CENPB: variants seen among roughly 807,000 people sequenced by gnomAD.
The protein encoded by CENPB is centromere protein B.
In CENPB, 19 loss-of-function variants were observed where a neutral mutation model predicts 41.9. That is an observed-to-expected ratio of 0.45 (90% CI 0.32 to 0.67). The LOEUF is 0.67. CENPB is among the 30% of genes least tolerant of loss of function. The probability of loss-of-function intolerance (pLI) is 0.04; values close to 1 mark genes in which losing one functional copy is unlikely to be tolerated. For missense variants in CENPB, 614 were observed against 816.2 expected (o/e 0.75, Z 3.02); for synonymous variants, 399 against 354.4 (o/e 1.13, Z -1.41).
Position 3,785,714 on chromosome 20 carries a change from AGGCCGGCTTGGCCTGCGCGGGGCTT to A in CENPB, c.745_769del (p.Lys249CysfsTer22). 1 of 1,607,846 alleles carries A rather than the reference AGGCCGGCTTGGCCTGCGCGGGGCTT, an allele frequency of 6.2e-7. No homozygotes were observed. Among genetic ancestry groups the A allele is most frequent in the Non-Finnish European group, 8.5e-7 (1 of 1,177,232 alleles). ...GGAGTTGGCGGTGTAGTCGCAGGGC[AGGCCGGCTTGGCCTGCGCGGGGCTT>A]GGCCGACTTGCCGGCCACCAGCGGG... On this transcript the variant is annotated frameshift_variant, in exon 1 of 1. Coordinates refer to ENST00000379751, the MANE Select transcript of CENPB (RefSeq NM_001810.6). LOFTEE classifies it high-confidence loss of function.
At position 3,784,325 on chromosome 20, in the gene CENPB, G is replaced by A. The variant is rs965944041; in HGVS notation, c.*359C>T. On this transcript the variant is annotated 3_prime_UTR_variant, in exon 1 of 1. Transcript: ENST00000379751. This position sits in a 1 kb window ranked among gnomAD's most constrained non-coding sequence, Gnocchi z 5.2. Reference sequence around the variant, plus strand: ...GACCTGACGTGGATGGCAGAGGGGAGAGGCACTCTCCGGCCGGGAACCTCC... The same window carrying A: ...GACCTGACGTGGATGGCAGAGGGGAAAGGCACTCTCCGGCCGGGAACCTCC... 1 of 245,836 alleles carries A rather than the reference G, an allele frequency of 4.1e-6. No homozygotes were observed. The highest frequency in any genetic ancestry group is 8.0e-6 in the Non-Finnish European group (1 of 124,510). The allele number at this position is 245,836 out of a possible 1,614,324, so 15.2% of individuals were successfully genotyped here.
At position 3,784,252 on chromosome 20, in the gene CENPB, C is replaced by T. The variant is rs886464487; in HGVS notation, c.*432G>A. The T allele has an allele frequency of 1.1e-5, 2 of 189,564 alleles. No individual in the cohort carries two copies. Among genetic ancestry groups the T allele is most frequent in the Admixed American group, 1.1e-4 (2 of 18,750 alleles). The allele number at this position is 189,564 out of a possible 1,614,324, so 11.7% of individuals were successfully genotyped here. Reference sequence around the variant, plus strand: ...GCCTTGCAGGGGGCCTAGGCTGGACCTTCTTCTGGAGCCCTTCCCAGAATG... The same window carrying T: ...GCCTTGCAGGGGGCCTAGGCTGGACTTTCTTCTGGAGCCCTTCCCAGAATG... On this transcript the variant is annotated 3_prime_UTR_variant, in exon 1 of 1. Coordinates refer to ENST00000379751, the MANE Select transcript of CENPB (RefSeq NM_001810.6). The surrounding 1 kb of genome is among the most constrained non-coding windows in gnomAD (Gnocchi z 5.2).
In CENPB at chr20:3,785,717, C is replaced by A; in HGVS notation, c.767G>T (p.Gly256Val). 1 of 1,606,252 alleles carries A rather than the reference C, an allele frequency of 6.2e-7. No individual in the cohort carries two copies. The highest frequency in any genetic ancestry group is 8.5e-7 in the Non-Finnish European group (1 of 1,176,508). Residue 256 changes from glycine (G) to valine (V), a missense_variant, in exon 1 of 1, where the codon GGC becomes GTC. Physicochemically the swap from Gly to Val is moderately radical, Grantham distance 109 (BLOSUM62 -3). Transcript: ENST00000379751. Reference sequence around the variant, plus strand: ...GTTGGCGGTGTAGTCGCAGGGCAGGCCGGCTTGGCCTGCGCGGGGCTTGGC... The same window carrying A: ...GTTGGCGGTGTAGTCGCAGGGCAGGACGGCTTGGCCTGCGCGGGGCTTGGC... ...KSAKPRAGQA[G>V]LPCDYTANSK...
In CENPB at chr20:3,786,043, G is replaced by A. The variant is rs759414517; in HGVS notation, c.441C>T (p.Ala147=). 7 of 1,481,474 alleles carry A rather than the reference G, an allele frequency of 4.7e-6. No individual in the cohort carries two copies. Among genetic ancestry groups the A allele is most frequent in the Non-Finnish European group, 6.2e-6 (7 of 1,130,320 alleles). The allele number at this position is 1,481,474 out of a possible 1,614,324, so 91.8% of individuals were successfully genotyped here. A position where few individuals can be genotyped will look rare whatever the true frequency, so the allele number is the denominator to read the frequency against. The part of the protein sequence containing the change: ...GVARARARNA[A]PRTPAAPASP... ...TGGCAGGCGCCGCCGGGGTGCGGGGGGCAGCGTTTCGCGCGCGGGCGCGGG... is the reference window on the plus strand; with the variant it reads ...TGGCAGGCGCCGCCGGGGTGCGGGGAGCAGCGTTTCGCGCGCGGGCGCGGG... Residue 147 remains alanine, a synonymous_variant, in exon 1 of 1, where the codon GCC becomes GCT. Coordinates refer to ENST00000379751, the MANE Select transcript of CENPB (RefSeq NM_001810.6).
rs2088819556 is a variant in CENPB, at chr20:3,785,946, G to A, written c.538C>T (p.Pro180Ser). 6.3e-7 allele frequency: 1 copy of A among 1,593,596 alleles called. No homozygotes were observed. Among genetic ancestry groups the A allele is most frequent in the Non-Finnish European group, 8.5e-7 (1 of 1,174,660 alleles). The change falls in exon 1 of 1, where the codon CCG (proline) becomes TCG (serine). Residue 180 changes from proline (P) to serine (S), a missense_variant. By Grantham distance (74) the Pro-to-Ser change is moderately conservative (BLOSUM62 -1). Transcript: ENST00000379751. The part of the protein sequence containing the change: ...TGWRAREEQP[P>S]SVAEGYASQD... ...GAGGCGTAGCCCTCGGCCACCGACG[G>A]CGGCTGCTCCTCCCGAGCGCGCCAA... is the stretch of plus-strand genomic sequence containing the variant.
Position 3,785,550 on chromosome 20 carries a change from C to T in CENPB, c.934G>A (p.Val312Met). The T allele has an allele frequency of 1.9e-6, 3 of 1,598,782 alleles. No homozygotes were observed. Among genetic ancestry groups the T allele is most frequent in the South Asian group, 1.1e-5 (1 of 88,968 alleles). The change falls in exon 1 of 1, where the codon GTG (valine) becomes ATG (methionine). Residue 312 changes from valine (V) to methionine (M), a missense_variant. Physicochemically the swap from Val to Met is conservative, Grantham distance 21 (BLOSUM62 1). This residue lies in a region of CENPB where 537 missense variants were observed against 629.4 expected (regional missense o/e 0.85). Transcript: ENST00000379751. ...CCGGGAGGGAAGAAGGCCAGCTGCACATGCCGCAGGCCCGAGGTGTCCAAG... is the reference window on the plus strand; with the variant it reads ...CCGGGAGGGAAGAAGGCCAGCTGCATATGCCGCAGGCCCGAGGTGTCCAAG... The part of the protein sequence containing the change: ...QSLDTSGLRH[V>M]QLAFFPPGTV...
Position 3,785,341 on chromosome 20 carries a change from G to T in CENPB, c.1143C>A (p.Ala381=). The T allele has an allele frequency of 1.2e-6, 2 of 1,602,740 alleles. No individual in the cohort carries two copies. The highest frequency in any genetic ancestry group is 1.7e-6 in the Non-Finnish European group (2 of 1,175,870). ...CAAAGCCAGCCTCACGAAAGCAGGC[G>T]GCTATGTCCGAAGGCTCCACTGCCT... ...AWQAVEPSDI[A]ACFREAGFGG... The change falls in exon 1 of 1, where the codon GCC becomes GCA. Residue 381 remains alanine (A), a synonymous_variant. Coordinates refer to ENST00000379751, the MANE Select transcript of CENPB (RefSeq NM_001810.6).
Position 3,785,104 on chromosome 20 carries a change from C to G in CENPB, c.1380G>C (p.Glu460Asp). The G allele has an allele frequency of 6.2e-7, 1 of 1,610,306 alleles. No homozygotes were observed. Among genetic ancestry groups the G allele is most frequent in the Non-Finnish European group, 8.5e-7 (1 of 1,178,052 alleles). ...EEGDVDSDEE[E>D]EEDEESSSEG... is the part of the protein sequence containing the mutation. Reference sequence around the variant, plus strand: ...CCGAGGAGCTCTCCTCATCTTCCTCCTCTTCTTCATCACTATCAACATCAC... The same window carrying G: ...CCGAGGAGCTCTCCTCATCTTCCTCGTCTTCTTCATCACTATCAACATCAC... Residue 460 changes from glutamate to aspartate, a missense_variant, in exon 1 of 1, where the codon GAG (glutamate) becomes GAC (aspartate). Around this residue, in one of 2 missense-constraint regions of CENPB, gnomAD observed 537 missense variants for 629.4 expected, o/e 0.85. Transcript: ENST00000379751.
chr20:3,785,577 A>T lies in CENPB; in HGVS notation c.907T>A (p.Ser303Thr). 4.4e-6 allele frequency: 7 copies of T among 1,601,556 alleles called. No individual in the cohort carries two copies. Among genetic ancestry groups the T allele is most frequent in the Non-Finnish European group, 6.0e-6 (7 of 1,174,540 alleles). Residue 303 changes from serine (S) to threonine (T), a missense_variant, in exon 1 of 1, where the codon TCC (serine) becomes ACC (threonine). By Grantham distance (58) the Ser-to-Thr change is moderately conservative. Around this residue, in one of 2 missense-constraint regions of CENPB, gnomAD observed 537 missense variants for 629.4 expected, o/e 0.85. Transcript: ENST00000379751. ...TGCCGCAGGCCCGAGGTGTCCAAGG[A>T]CTGGGCAGCCAAGCGGCCGGCCAAC... Reference protein sequence around the residue: ...LLLAGRLAAQSLDTSGLRHVQ... With the variant: ...LLLAGRLAAQTLDTSGLRHVQ...
In CENPB at chr20:3,786,055, C is replaced by A. The variant is rs775379496; in HGVS notation, c.429G>T (p.Ala143=). ...CCGGGGTGCGGGGGGCAGCGTTTCG[C>A]GCGCGGGCGCGGGCCACGCCGCTGC... is the stretch of plus-strand genomic sequence containing the variant. ...VSCSGVARAR[A]RNAAPRTPAA... Residue 143 remains alanine (A), a synonymous_variant, in exon 1 of 1, where the codon GCG becomes GCT. Coordinates refer to ENST00000379751, the MANE Select transcript of CENPB (RefSeq NM_001810.6). 6.6e-7 allele frequency: 1 copy of A among 1,505,892 alleles called. No individual in the cohort carries two copies. The highest frequency in any genetic ancestry group is 8.8e-7 in the Non-Finnish European group (1 of 1,142,384). The allele number at this position is 1,505,892 out of a possible 1,614,324, so 93.3% of individuals were successfully genotyped here.
rs1456930774 is a variant in CENPB, at chr20:3,784,944, T to C, written c.1540A>G (p.Ser514Gly). 6.2e-7 allele frequency: 1 copy of C among 1,613,824 alleles called. No homozygotes were observed. Among genetic ancestry groups the C allele is most frequent in the Non-Finnish European group, 8.5e-7 (1 of 1,179,970 alleles). ...TCTTCCTCATCGTCCTCTTCCTCAC[T>C]GTCTGAATCAGAGTCCTCCCCACCT... ...LEGGEDSDSD[S>G]EEEDDEEEDD... Residue 514 changes from serine (S) to glycine (G), a missense_variant, in exon 1 of 1, where the codon AGT becomes GGT. By Grantham distance (56) the Ser-to-Gly change is moderately conservative. Transcript: ENST00000379751. This position sits in a 1 kb window ranked among gnomAD's most constrained non-coding sequence, Gnocchi z 5.2.
rs1276441146 is a variant in CENPB, at chr20:3,785,256, C to T, written c.1228G>A (p.Glu410Lys). The change falls in exon 1 of 1, where the codon GAG (glutamate) becomes AAG (lysine). Residue 410 changes from glutamate to lysine, a missense_variant. Physicochemically the swap from Glu to Lys is moderately conservative, Grantham distance 56 (BLOSUM62 1). Around this residue, in one of 2 missense-constraint regions of CENPB, gnomAD observed 537 missense variants for 629.4 expected, o/e 0.85. Transcript: ENST00000379751. Reference protein sequence around the residue: ...SLKSEGEEEEEEEEEEEEEEG... With the variant: ...SLKSEGEEEEKEEEEEEEEEG... ...TCCTCCTCCTCTTCTTCCTCCTCCTCCTCCTCTTCCTCTCCCTCACTCTTG... is the reference window on the plus strand; with the variant it reads ...TCCTCCTCCTCTTCTTCCTCCTCCTTCTCCTCTTCCTCTCCCTCACTCTTG... 7 of 1,573,160 alleles carry T rather than the reference C, an allele frequency of 4.4e-6. No homozygotes were observed. Among genetic ancestry groups the T allele is most frequent in the Non-Finnish European group, 6.0e-6 (7 of 1,160,728 alleles).
Position 3,784,756 on chromosome 20 carries a change from G to A in CENPB, c.1728C>T (p.His576=), listed in dbSNP as rs557225624. ...RVQSHILHLE[H]DLVHVTRKNH... Reference sequence around the variant, plus strand: ...TCTTCCTGGTCACATGAACCAGATCGTGTTCCAAGTGGAGGATGTGGCTCT... The same window carrying A: ...TCTTCCTGGTCACATGAACCAGATCATGTTCCAAGTGGAGGATGTGGCTCT... The change falls in exon 1 of 1, where the codon CAC becomes CAT. Residue 576 remains histidine (H), a synonymous_variant. Transcript: ENST00000379751. The surrounding 1 kb of genome is among the most constrained non-coding windows in gnomAD (Gnocchi z 5.2). 16 of 1,614,174 alleles carry A rather than the reference G, an allele frequency of 9.9e-6. 1 individual carries two copies. Among genetic ancestry groups the A allele is most frequent in the Middle Eastern group, 1.6e-4 (1 of 6,062 alleles).
Position 3,785,442 on chromosome 20 carries a change from C to A in CENPB, c.1042G>T (p.Ala348Ser). Reference sequence around the variant, plus strand: ...CCTGAGGGATCCTGGCCCTCTAGCGCGGCCATGGCCTTGAGCAGCATGGCC... The same window carrying A: ...CCTGAGGGATCCTGGCCCTCTAGCGAGGCCATGGCCTTGAGCAGCATGGCC... Reference protein sequence around the residue: ...RQAMLLKAMAALEGQDPSGLQ... With the variant: ...RQAMLLKAMASLEGQDPSGLQ... The change falls in exon 1 of 1, where the codon GCG (alanine) becomes TCG (serine). Residue 348 changes from alanine to serine, a missense_variant. Physicochemically the swap from Ala to Ser is moderately conservative, Grantham distance 99. This residue lies in a region of CENPB where 537 missense variants were observed against 629.4 expected (regional missense o/e 0.85). Transcript: ENST00000379751. 1.3e-6 allele frequency: 2 copies of A among 1,589,520 alleles called. No individual in the cohort carries two copies. Among genetic ancestry groups the A allele is most frequent in the Non-Finnish European group, 1.7e-6 (2 of 1,168,300 alleles).
rs2088828128 is a variant in CENPB, at chr20:3,786,597, C to T, written c.-114G>A. 9.3e-6 allele frequency: 2 copies of T among 215,032 alleles called. No homozygotes were observed. The highest frequency in any genetic ancestry group is 6.8e-5 in the Admixed American group (1 of 14,668). The allele number at this position is 215,032 out of a possible 1,614,324, so 13.3% of individuals were successfully genotyped here. On this transcript the variant is annotated 5_prime_UTR_variant, in exon 1 of 1. Coordinates refer to ENST00000379751, the MANE Select transcript of CENPB (RefSeq NM_001810.6). ...CCTCTCCCGCGCGCCCCGCCCGAGACAAAGCGGCTCGCGGGCGCGGCGGCG... is the reference window on the plus strand; with the variant it reads ...CCTCTCCCGCGCGCCCCGCCCGAGATAAAGCGGCTCGCGGGCGCGGCGGCG...
Position 3,785,718 on chromosome 20 carries a change from C to A in CENPB, c.766G>T (p.Gly256Cys). The change falls in exon 1 of 1, where the codon GGC becomes TGC. Residue 256 changes from glycine to cysteine, a missense_variant. Coordinates refer to ENST00000379751, the MANE Select transcript of CENPB (RefSeq NM_001810.6). ...TTGGCGGTGTAGTCGCAGGGCAGGC[C>A]GGCTTGGCCTGCGCGGGGCTTGGCC... is the stretch of plus-strand genomic sequence containing the variant. ...KSAKPRAGQA[G>C]LPCDYTANSK... The A allele has an allele frequency of 6.2e-7, 1 of 1,606,430 alleles. No individual in the cohort carries two copies. The highest frequency in any genetic ancestry group is 1.1e-5 in the South Asian group (1 of 90,576).
rs756348140 is a variant in CENPB, at chr20:3,784,933, C to T, written c.1551G>A (p.Glu517=). The change falls in exon 1 of 1, where the codon GAG becomes GAA. Residue 517 remains glutamate, a synonymous_variant. Transcript: ENST00000379751. The surrounding 1 kb of genome is among the most constrained non-coding windows in gnomAD (Gnocchi z 5.2). The stretch of plus-strand genomic sequence containing the variant: ...CTTCATCATCCTCTTCCTCATCGTC[C>T]TCTTCCTCACTGTCTGAATCAGAGT... ...GEDSDSDSEE[E]DDEEEDDEDE... 14 of 1,613,750 alleles carry T rather than the reference C, an allele frequency of 8.7e-6. No homozygotes were observed. Among genetic ancestry groups the T allele is most frequent in the Admixed American group, 1.7e-5 (1 of 59,984 alleles).
Position 3,785,298 on chromosome 20 carries a change from T to G in CENPB, c.1186A>C (p.Thr396Pro), listed in dbSNP as rs1211595908. The G allele has an allele frequency of 6.3e-7, 1 of 1,595,746 alleles. No homozygotes were observed. The highest frequency in any genetic ancestry group is 1.1e-5 in the South Asian group (1 of 88,824). ...TCACTCTTGAGGGAAGTGGTGATGGTGGCATTAGGGCCACCCCCAAAGCCA... is the reference window on the plus strand; with the variant it reads ...TCACTCTTGAGGGAAGTGGTGATGGGGGCATTAGGGCCACCCCCAAAGCCA... ...EAGFGGGPNA[T>P]ITTSLKSEGE... is the part of the protein sequence containing the mutation. The change falls in exon 1 of 1, where the codon ACC becomes CCC. Residue 396 changes from threonine to proline, a missense_variant. Transcript: ENST00000379751.
chr20:3,786,172 C>T lies in CENPB; in HGVS notation c.312G>A (p.Ala104=). 6.3e-7 allele frequency: 1 copy of T among 1,599,962 alleles called. No individual in the cohort carries two copies. The highest frequency in any genetic ancestry group is 8.5e-7 in the Non-Finnish European group (1 of 1,179,556). Residue 104 remains alanine (A), a synonymous_variant, in exon 1 of 1, where the codon GCG becomes GCA. Coordinates refer to ENST00000379751, the MANE Select transcript of CENPB (RefSeq NM_001810.6). Reference sequence around the variant, plus strand: ...TGCCCAGCTCCTCGGCTATGCGCAGCGCCTTCTCCTTGAGGATGATGCCCT... The same window carrying T: ...TGCCCAGCTCCTCGGCTATGCGCAGTGCCTTCTCCTTGAGGATGATGCCCT... ...PVKGIILKEK[A]LRIAEELGMD... is the part of the protein sequence containing the mutation.
Sources: allele counts gnomAD v4.1 joint callset, GRCh38; gene constraint gnomAD v4.1.1; regional missense constraint gnomAD v4.1.1; non-coding constraint Gnocchi (gnomAD v3.1); transcripts MANE v1.5; gene names NCBI Gene and HGNC (gene_info 2026-07-23, HGNC 2026-07-21).